CHCHD3: variants seen among roughly 807,000 people sequenced by gnomAD.
CHCHD3 encodes MICOS complex subunit MIC19.
CHCHD3 carries 20 observed loss-of-function variants against 38.2 expected under a neutral mutation model. The ratio of observed to expected loss-of-function variants is 0.52; its 90% CI spans 0.37 to 0.76. The LOEUF (loss-of-function observed/expected upper bound fraction) is 0.76, where lower values mean the gene tolerates loss of function less well. CHCHD3 is among the 30% of genes least tolerant of loss of function. The pLI is 0.00. For missense variants in CHCHD3, 245 were observed against 279.2 expected (o/e 0.88, Z 0.87); for synonymous variants, 82 against 100.0 (o/e 0.82, Z 1.07).
chr7:132,890,963 T>C (rs1001683163), intron 4 of CHCHD3, among the ~76,000 whole-genome samples: 1 of 152,092 alleles, frequency 6.6e-6, no homozygotes, highest in Admixed American at 6.6e-5. Flanking sequence ...CAAAACTACA[T>C]ATGAGGTGCA....
intron 6 of CHCHD3, among the ~76,000 whole-genome samples, chr7:132,828,999 C>T (rs1807574190): frequency 6.6e-6 from 1 of 152,178 alleles, no homozygotes; most frequent in Non-Finnish European, 1.5e-5. Flanking sequence ...CAGGGCAGGT[C>T]AGTCAGACAA....
chr7:132,801,919 G>A (rs543635620), intron 6 of CHCHD3, among the ~76,000 whole-genome samples: 1 of 152,192 alleles, frequency 6.6e-6, no homozygotes, highest in South Asian at 2.1e-4. Context: ...TGGAGGGCAG[G>A]AGGGGAAAGC....
chr7:132,933,308 T>C (rs1585651319), intron 4 of CHCHD3, among the ~76,000 whole-genome samples: 1 of 137,710 alleles, frequency 7.3e-6, no homozygotes, highest in Non-Finnish European at 1.7e-5. Flanking sequence ...AGTTCTGCCA[T>C]AGTTTTATAA....
chr7:133,075,219 CA>C (rs1484171538), intron 1 of CHCHD3, among the ~76,000 whole-genome samples: 1 of 152,160 alleles, frequency 6.6e-6, no homozygotes, highest in Non-Finnish European at 1.5e-5. Flanking sequence ...CACATCAATT[CA>C]AAACATTTCC....
At chr7:132,980,548 T>C (rs1327249684) in intron 3 of CHCHD3, among the ~76,000 whole-genome samples, 1 of 152,232 alleles carries the variant, frequency 6.6e-6, no homozygotes, top group Non-Finnish European at 1.5e-5. Context: ...AAACTTTTCT[T>C]GTTTGCATTA....
intron 3 of CHCHD3, among the ~76,000 whole-genome samples, chr7:132,993,786 T>A (rs1281029798): frequency 2.6e-5 from 4 of 152,148 alleles, no homozygotes; most frequent in Non-Finnish European, 4.4e-5. Context: ...TCAGGAACAG[T>A]CACAGAGACT....
At chr7:132,789,439 A>G (rs1806402753) in intron 7 of CHCHD3, among the ~76,000 whole-genome samples, 1 of 152,238 alleles carries the variant, frequency 6.6e-6, no homozygotes. Flanking sequence ...CATTCCAGCC[A>G]CTGAAGAACA....
chr7:132,850,324 T>A (rs1310535061), intron 5 of CHCHD3, among the ~76,000 whole-genome samples: 1 of 152,194 alleles, frequency 6.6e-6, no homozygotes, highest in Non-Finnish European at 1.5e-5. Flanking sequence ...ATAATTACCC[T>A]TTCGTTCCAT....
intron 4 of CHCHD3, among the ~76,000 whole-genome samples, chr7:132,949,774 T>G (rs569894403): frequency 6.6e-6 from 1 of 151,810 alleles, no homozygotes; most frequent in Admixed American, 6.6e-5. Flanking sequence ...GAAAAAAATA[T>G]AGAAAAAAAT....
Position 133,082,088 on chromosome 7 carries a change from C to G in CHCHD3, c.-151G>C, listed in dbSNP as rs1270623370. 4.6e-6 allele frequency: 3 copies of G among 655,940 alleles called. No homozygotes were observed. Among genetic ancestry groups the G allele is most frequent in the Admixed American group, 3.4e-5 (1 of 29,850 alleles). 40.6% of individuals were successfully genotyped at this position (655,940 alleles called of 1,614,324 possible). A position where few individuals can be genotyped will look rare whatever the true frequency, so the allele number is the denominator to read the frequency against. On this transcript the variant is annotated 5_prime_UTR_variant, in exon 1 of 8. Transcript: ENST00000262570. ...CCAGAAGCAAGGAGAAGGCGCCGGT[C>G]CTGAGCTCCCGCCTCCTCCGGTCAC...
chr7:132,818,226 G>A (rs1161193993), intron 6 of CHCHD3, among the ~76,000 whole-genome samples: 2 of 152,198 alleles, frequency 1.3e-5, no homozygotes, highest in African/African-American at 4.8e-5. Context: ...CAGCCTGCCT[G>A]ACAATAAAAG....
At chr7:133,050,340 TAAA>T (rs35635002) in intron 2 of CHCHD3, among the ~76,000 whole-genome samples, 563 of 31,510 alleles carry the variant, frequency 0.018, 2 homozygotes, top group Admixed American at 0.061. Flanking sequence ...GGCTGTGTCT[TAAA>T]AAAAAAAAAA....
At chr7:132,990,951 T>TATACACAC (rs1554398386) in intron 3 of CHCHD3, among the ~76,000 whole-genome samples, 2 of 143,792 alleles carry the variant, frequency 1.4e-5, no homozygotes, top group South Asian at 4.6e-4. Flanking sequence ...CAGACACACA[T>TATACACAC]ACACACACAC....
Position 132,860,310 on chromosome 7 carries a change from GAGAGAA to G in CHCHD3, c.454-21847_454-21842del, listed in dbSNP as rs1362121342. On this transcript the variant is annotated intron_variant, in intron 5 of 7. Coordinates refer to ENST00000262570, the MANE Select transcript of CHCHD3 (RefSeq NM_017812.4). ...TTTTATAGATAGATAGATAGAGAGA[GAGAGAA>G]AGAGAGAGAGAGAGAGAGAACACAA... is the stretch of plus-strand genomic sequence containing the variant. Among the ~76,000 whole-genome samples, 633 of 94,094 alleles carry G rather than the reference GAGAGAA, an allele frequency of 6.7e-3. 6 individuals are homozygous for G. The highest frequency in any genetic ancestry group is 0.025 in the African/African-American group (510 of 20,272). 61.7% of individuals were successfully genotyped at this position (94,094 alleles called of 152,430 possible).
chr7:132,921,976 G>A lies in CHCHD3; in HGVS notation c.370-36231C>T, dbSNP rs76234847. Among the ~76,000 whole-genome samples the A allele has an allele frequency of 5.3e-3, 805 of 152,290 alleles. 9 individuals carry two copies. The highest frequency in any genetic ancestry group is 0.019 in the African/African-American group (771 of 41,558). On this transcript the variant is annotated intron_variant, in intron 4 of 7. Transcript: ENST00000262570. The stretch of plus-strand genomic sequence containing the variant: ...AGCAAATGACTACCCAAGGATTCAC[G>A]GCTAGAAACAGTCCATAAGAAGTGC...
At chr7:132,802,848 G>A (rs996982157) in intron 6 of CHCHD3, among the ~76,000 whole-genome samples, 2 of 151,830 alleles carry the variant, frequency 1.3e-5, no homozygotes, top group East Asian at 1.9e-4. Flanking sequence ...CTCATGGGAT[G>A]CTATTTTCTC....
intron 2 of CHCHD3, among the ~76,000 whole-genome samples, chr7:133,030,499 G>A (rs1259412110): frequency 6.6e-6 from 1 of 152,134 alleles, no homozygotes; most frequent in Admixed American, 6.6e-5. Context: ...GCAAATCTTT[G>A]GGAACTGGCA....
chr7:132,806,954 C>T (rs1806936780), intron 6 of CHCHD3, among the ~76,000 whole-genome samples: 1 of 152,110 alleles, frequency 6.6e-6, no homozygotes, highest in Non-Finnish European at 1.5e-5. Flanking sequence ...AATAACACTT[C>T]GATTTCCTAA....
intron 6 of CHCHD3, among the ~76,000 whole-genome samples, chr7:132,837,933 G>A (rs1315015482): frequency 6.6e-6 from 1 of 152,052 alleles, no homozygotes; most frequent in African/African-American, 2.4e-5. Context: ...TCAAGGGCCA[G>A]GTAAAGTCTA....
Sources: allele counts gnomAD v4.1 joint callset (sites outside exome capture counted in the v4.1 genomes callset), GRCh38; gene constraint gnomAD v4.1.1; transcripts MANE v1.5; gene names NCBI Gene and HGNC (gene_info 2026-07-23, HGNC 2026-07-21).